The following ZNF569 variants were observed in gnomAD, a reference collection of about 807,000 sequenced individuals.
ZNF569 encodes zinc finger protein 569.
Under a neutral mutation model 56.3 loss-of-function variants are expected in ZNF569, and 38 were observed. That is an observed-to-expected ratio of 0.68 (90% CI 0.52 to 0.88). The LOEUF (loss-of-function observed/expected upper bound fraction) is 0.88. Among genes scored for constraint, ZNF569 ranks in the 40% least tolerant of loss-of-function variants. The pLI is 0.00. For synonymous variants in ZNF569, 241 were observed against 262.9 expected (o/e 0.92, Z 0.81); for missense variants, 666 against 809.2 (o/e 0.82, Z 2.15).
intron 2 of ZNF569, among the ~76,000 whole-genome samples, chr19:37,451,109 T>C (rs1324421134): frequency 6.6e-6 from 1 of 152,110 alleles, no homozygotes; most frequent in African/African-American, 2.4e-5. Context: ...GGTATAAAGT[T>C]GTGTAGATGG....
chr19:37,437,582 GAA>G (rs1246626045), intron 3 of ZNF569, among the ~76,000 whole-genome samples: 5 of 152,122 alleles, frequency 3.3e-5, no homozygotes, highest in African/African-American at 1.2e-4. Context: ...GAAAAAACCT[GAA>G]GACTCCAGCA....
chr19:37,445,215 C>G (rs1466402749), intron 2 of ZNF569, among the ~76,000 whole-genome samples: 1 of 152,038 alleles, frequency 6.6e-6, no homozygotes, highest in African/African-American at 2.4e-5. Context: ...ATACATGTAG[C>G]ATCATGAAAG....
At chr19:37,439,905 T>C (rs917961864) in intron 3 of ZNF569, among the ~76,000 whole-genome samples, 40 of 152,270 alleles carry the variant, frequency 2.6e-4, no homozygotes, top group Admixed American at 1.2e-3. Context: ...TACCAGCAGC[T>C]AGGAAGGATA....
chr19:37,423,037 T>C (rs1338585537), intron 5 of ZNF569, among the ~76,000 whole-genome samples: 1 of 152,214 alleles, frequency 6.6e-6, no homozygotes, highest in Non-Finnish European at 1.5e-5. Flanking sequence ...TTTTCAAATA[T>C]AATAGATGAT....
intron 5 of ZNF569, among the ~76,000 whole-genome samples, chr19:37,423,453 A>G (rs1568721622): frequency 6.6e-6 from 1 of 152,238 alleles, no homozygotes; most frequent in African/African-American, 2.4e-5. Context: ...AATTATTTAA[A>G]TTCATAGCAA....
intron 3 of ZNF569, among the ~76,000 whole-genome samples, chr19:37,432,655 A>G (rs982260447): frequency 6.6e-6 from 1 of 152,242 alleles, no homozygotes; most frequent in African/African-American, 2.4e-5. Context: ...ACCATCTAGG[A>G]AAACATGACT....
intron 3 of ZNF569, among the ~76,000 whole-genome samples, chr19:37,437,180 C>T (rs976997480): frequency 2.0e-5 from 3 of 151,994 alleles, no homozygotes; most frequent in Non-Finnish European, 4.4e-5. Context: ...GTTAAACATG[C>T]GCAAATGAAT....
At chr19:37,451,587 G>C (rs1046757692) in intron 2 of ZNF569, among the ~76,000 whole-genome samples, 1 of 151,950 alleles carries the variant, frequency 6.6e-6, no homozygotes, top group African/African-American at 2.4e-5. Context: ...AATTTTGCCA[G>C]TGTTTCTTTT....
At chr19:37,416,266 C>CAAAAAAAAAAAAAAAAAAAAAAAAAAAAA in intron 5 of ZNF569, among the ~76,000 whole-genome samples, 1 of 111,696 alleles carries the variant, frequency 9.0e-6, no homozygotes, top group African/African-American at 3.7e-5. Context: ...AACAAAAAAA[C>CAAAAAAAAAAAAAAAAAAAAAAAAAAAAA]AAAAAAAAAA....
Position 37,412,939 on chromosome 19 carries a change from T to A in ZNF569, c.1719A>T (p.Thr573=), listed in dbSNP as rs1225291307. ...SLLNLHMRSH[T]GEKPYVCNEC... ...CATTACATACATAGGGCTTCTCACC[T>A]GTGTGACTTCTCATATGTAAATTAA... is the stretch of plus-strand genomic sequence containing the variant. The change falls in exon 6 of 6, where the codon ACA becomes ACT. Residue 573 remains threonine, a synonymous_variant. Coordinates refer to ENST00000316950, the MANE Select transcript of ZNF569 (RefSeq NM_152484.3). The A allele has an allele frequency of 6.2e-7, 1 of 1,613,042 alleles. No homozygotes were observed. The highest frequency in any genetic ancestry group is 8.5e-7 in the Non-Finnish European group (1 of 1,179,698).
At chr19:37,425,763 C>G (rs2041120680) in intron 5 of ZNF569, 105 bp downstream of exon 5, 2 of 995,208 alleles carry the variant, frequency 2.0e-6, no homozygotes, top group Non-Finnish European at 3.1e-6. Flanking sequence ...CTGTGCCAAC[C>G]TCTGAAAATA....
At position 37,413,517 on chromosome 19, in the gene ZNF569, G is replaced by T; in HGVS notation, c.1141C>A (p.Pro381Thr). The T allele has an allele frequency of 6.2e-7, 1 of 1,613,260 alleles. No individual in the cohort carries two copies. The highest frequency in any genetic ancestry group is 8.5e-7 in the Non-Finnish European group (1 of 1,179,708). The change falls in exon 6 of 6, where the codon CCC (proline) becomes ACC (threonine). Residue 381 changes from proline (P) to threonine (T), a missense_variant. Physicochemically the swap from Pro to Thr is conservative, Grantham distance 38 (BLOSUM62 -1). Transcript: ENST00000316950. ...IHVRIHTGEK[P>T]YECNECGKAF... is the part of the protein sequence containing the mutation. ...TTTCCACACTCATTACATTCATAGG[G>T]TTTTTCACCTGTATGAATTCTAACA...
chr19:37,416,542 G>T (rs530401597), intron 5 of ZNF569, among the ~76,000 whole-genome samples: 9 of 152,214 alleles, frequency 5.9e-5, no homozygotes, highest in Admixed American at 4.6e-4. Flanking sequence ...TATAACTTAT[G>T]TGTATCTTTC....
intron 5 of ZNF569, among the ~76,000 whole-genome samples, chr19:37,416,052 G>A (rs2040925525): frequency 6.6e-6 from 1 of 151,622 alleles, no homozygotes; most frequent in Non-Finnish European, 1.5e-5. Flanking sequence ...GAGCAACATG[G>A]CAAAACCCCA....
At chr19:37,429,787 T>C (rs1437972517) in intron 3 of ZNF569, among the ~76,000 whole-genome samples, 1 of 152,212 alleles carries the variant, frequency 6.6e-6, no homozygotes, top group African/African-American at 2.4e-5. Flanking sequence ...TGGCTGAGAC[T>C]TTCTCACAAC....
rs753244491 is a variant in ZNF569, at chr19:37,412,802, G to A, written c.1856C>T (p.Ser619Leu). 8 of 1,614,010 alleles carry A rather than the reference G, an allele frequency of 5.0e-6. No homozygotes were observed. The Admixed American group carries it at 1.3e-4, about 27-fold the overall frequency. Residue 619 changes from serine to leucine, a missense_variant, in exon 6 of 6, where the codon TCA (serine) becomes TTA (leucine). Transcript: ENST00000316950. ...NKCGKAFSQS[S>L]SLTIHIRGHT... is the part of the protein sequence containing the mutation. ...TCCTCGTATATGTATAGTAAGGGATGAGCTTTGGGAGAAGGCTTTTCCACA... is the reference window on the plus strand; with the variant it reads ...TCCTCGTATATGTATAGTAAGGGATAAGCTTTGGGAGAAGGCTTTTCCACA...
chr19:37,468,082 T>TTG, upstream of ZNF569: 2 of 659,128 alleles, frequency 3.0e-6, no homozygotes, highest in East Asian at 5.7e-5. Flanking sequence ...TTTTTTTTTT[T>TTG]TTGTTTGTTT....
intron 5 of ZNF569, among the ~76,000 whole-genome samples, chr19:37,422,335 G>A (rs2041052336): frequency 6.6e-6 from 1 of 152,208 alleles, no homozygotes; most frequent in Non-Finnish European, 1.5e-5. Flanking sequence ...CAGTAGAATA[G>A]TCAGAACACA....
chr19:37,468,411 TA>T (rs1213301293), upstream of ZNF569, among the ~76,000 whole-genome samples: 1 of 152,126 alleles, frequency 6.6e-6, no homozygotes, highest in African/African-American at 2.4e-5. Flanking sequence ...AATAAAGAGA[TA>T]ATAGGCCGGA....
Sources: allele counts gnomAD v4.1 joint callset (sites outside exome capture counted in the v4.1 genomes callset), GRCh38; gene constraint gnomAD v4.1.1; transcripts MANE v1.5; gene names NCBI Gene and HGNC (gene_info 2026-07-23, HGNC 2026-07-21).